Variants in NYAP2 observed in about 807,000 individuals in gnomAD.
NYAP2 encodes the protein neuronal tyrosine-phosphorylated phosphoinositide-3-kinase adapter 2.
In NYAP2, 23 loss-of-function variants were observed where a neutral mutation model predicts 50.4. The observed-to-expected ratio is 0.46, with a 90% confidence interval of 0.33 to 0.65. The LOEUF is 0.65. NYAP2 is among the 30% of genes least tolerant of loss of function. The pLI is 0.02. For synonymous variants in NYAP2, 394 were observed against 365.2 expected, an observed-to-expected ratio of 1.08 and a Z score of -0.90; for missense variants, 885 against 861.0, an observed-to-expected ratio of 1.03 and a Z score of -0.35.
intron 4 of NYAP2, among the ~76,000 whole-genome samples, chr2:225,517,731 G>A (rs1690961347): frequency 6.6e-6 from 1 of 152,070 alleles, no homozygotes; most frequent in African/African-American, 2.4e-5. Context: ...TTTTGGTCTG[G>A]TATAGCACAT....
the NYAP2 span, among the ~76,000 whole-genome samples, chr2:225,681,779 A>T: frequency 1.3e-5 from 2 of 152,150 alleles, no homozygotes; most frequent in Non-Finnish European, 2.9e-5. Context: ...TTGAGTTCAG[A>T]TTCCAGTTCT....
At chr2:225,647,130 A>G (rs917791355) in intron 6 of NYAP2, among the ~76,000 whole-genome samples, 5 of 151,774 alleles carry the variant, frequency 3.3e-5, no homozygotes, top group African/African-American at 1.2e-4. Context: ...GTAAATAATT[A>G]TTTGTCATCC....
intron 3 of NYAP2, among the ~76,000 whole-genome samples, chr2:225,433,090 C>CT (rs551308205): frequency 1.3e-5 from 2 of 152,022 alleles, no homozygotes; most frequent in Non-Finnish European, 2.9e-5. Flanking sequence ...TTCGAAAATA[C>CT]TTTTTTAAAA....
the NYAP2 span, among the ~76,000 whole-genome samples, chr2:225,668,223 T>A: frequency 2.6e-5 from 4 of 152,280 alleles, no homozygotes; most frequent in African/African-American, 9.6e-5. Context: ...TTTTCCAGAA[T>A]GTCCCTTTGT....
chr2:225,423,163 G>A (rs751814208), intron 3 of NYAP2, among the ~76,000 whole-genome samples: 13 of 152,092 alleles, frequency 8.5e-5, no homozygotes, highest in Non-Finnish European at 1.6e-4. Context: ...GTGAAAACAC[G>A]AAGCCTCTGC....
intron 3 of NYAP2, among the ~76,000 whole-genome samples, chr2:225,441,576 C>A (rs1205350471): frequency 6.6e-6 from 1 of 151,966 alleles, no homozygotes; most frequent in Non-Finnish European, 1.5e-5. Flanking sequence ...ATAATCATGG[C>A]GGAAGGCAAA....
At chr2:225,648,756 T>C (rs1354606984) in intron 6 of NYAP2, among the ~76,000 whole-genome samples, 2 of 152,108 alleles carry the variant, frequency 1.3e-5, no homozygotes, top group African/African-American at 4.8e-5. Flanking sequence ...CCTGAAGCAA[T>C]GTAGACAGCC....
intron 2 of NYAP2, among the ~76,000 whole-genome samples, chr2:225,404,903 G>A (rs916789075): frequency 1.3e-5 from 2 of 152,054 alleles, no homozygotes; most frequent in East Asian, 3.9e-4. Context: ...TAGGAAATCC[G>A]ATGTTGGTGA....
intron 5 of NYAP2, among the ~76,000 whole-genome samples, chr2:225,592,295 G>A (rs536535522): frequency 6.6e-6 from 1 of 152,222 alleles, no homozygotes; most frequent in African/African-American, 2.4e-5. Flanking sequence ...TTGGCCCATG[G>A]CTACTCCAAG....
At chr2:225,443,533 A>G (rs867450106) in intron 3 of NYAP2, among the ~76,000 whole-genome samples, 6 of 152,130 alleles carry the variant, frequency 3.9e-5, no homozygotes, top group Non-Finnish European at 8.8e-5. Context: ...CCAATCCACA[A>G]GCATAGTACA....
At chr2:225,603,538 T>A (rs1425362492) in intron 5 of NYAP2, among the ~76,000 whole-genome samples, 1 of 152,172 alleles carries the variant, frequency 6.6e-6, no homozygotes, top group Non-Finnish European at 1.5e-5. Context: ...CTCGGCTCAC[T>A]GCAATCTCCT....
At chr2:225,673,107 TTA>T in the NYAP2 span, among the ~76,000 whole-genome samples, 47 of 152,006 alleles carry the variant, frequency 3.1e-4, no homozygotes, top group African/African-American at 1.1e-3. Flanking sequence ...AAGTTATGTC[TTA>T]TATGGATGGT....
chr2:225,566,559 T>C (rs567041724), intron 4 of NYAP2, among the ~76,000 whole-genome samples: 1 of 152,356 alleles, frequency 6.6e-6, no homozygotes, highest in African/African-American at 2.4e-5. Flanking sequence ...TGTGCTTTTA[T>C]TGGGTGCTTA....
intron 4 of NYAP2, among the ~76,000 whole-genome samples, chr2:225,526,501 T>A (rs1345485681): frequency 6.6e-6 from 1 of 152,236 alleles, no homozygotes. Context: ...TATGTAGCCC[T>A]TTGAATAGCT....
the NYAP2 span, among the ~76,000 whole-genome samples, chr2:225,695,637 A>T: frequency 6.6e-6 from 1 of 151,772 alleles, no homozygotes; most frequent in Admixed American, 6.6e-5. Flanking sequence ...TTTCATTATG[A>T]CAGTTTGTAG....
the NYAP2 span, chr2:225,698,299 CTCTT>C: frequency 6.6e-6 from 1 of 152,358 alleles, no homozygotes; most frequent in South Asian, 2.1e-4. Context: ...TCTGTATTCA[CTCTT>C]TCTTTTTTGC....
chr2:225,496,365 T>C (rs550503457), intron 3 of NYAP2, among the ~76,000 whole-genome samples: 20 of 152,280 alleles, frequency 1.3e-4, no homozygotes, highest in African/African-American at 4.3e-4. Context: ...CCAGGGAATA[T>C]GTGTATATTT....
intron 3 of NYAP2, among the ~76,000 whole-genome samples, chr2:225,504,317 G>T (rs1286908092): frequency 6.6e-6 from 1 of 151,990 alleles, no homozygotes; most frequent in Non-Finnish European, 1.5e-5. Flanking sequence ...CTTTAATGAG[G>T]GCCCTAATTT....
intron 6 of NYAP2, among the ~76,000 whole-genome samples, chr2:225,631,075 A>T (rs1259517493): frequency 6.6e-6 from 1 of 152,210 alleles, no homozygotes; most frequent in Non-Finnish European, 1.5e-5. Flanking sequence ...AATTCAGATG[A>T]CACCCTGGGG....
Sources: gnomAD v4.1 joint callset for allele counts (sites outside exome capture counted in the v4.1 genomes callset) on GRCh38, gnomAD v4.1.1 for gene constraint, MANE v1.5 for transcripts, NCBI Gene and HGNC (gene_info 2026-07-23, HGNC 2026-07-21) for gene names.